ADAMTS18: variants seen among roughly 807,000 people sequenced by gnomAD.
ADAMTS18 encodes the protein ADAM metallopeptidase with thrombospondin type 1 motif 18.
A neutral mutation model predicts 165.9 loss-of-function variants in ADAMTS18; 157 were observed. The observed-to-expected ratio is 0.95, with a 90% confidence interval of 0.83 to 1.08. The LOEUF (loss-of-function observed/expected upper bound fraction) is 1.08, where lower values mean the gene tolerates loss of function less well. ADAMTS18 is among the 50% of genes least tolerant of loss of function. The probability of loss-of-function intolerance (pLI) is 0.00; values close to 1 mark genes in which losing one functional copy is unlikely to be tolerated. For synonymous variants in ADAMTS18, 782 were observed against 578.2 expected, an observed-to-expected ratio of 1.35 and a Z score of -5.06; for missense variants, 2,040 against 1,534.0, an observed-to-expected ratio of 1.33 and a Z score of -5.51.
chr16:77,418,377 C>T (rs1191665224), intron 3 of ADAMTS18, among the ~76,000 whole-genome samples: 1 of 152,170 alleles, frequency 6.6e-6, no homozygotes, highest in African/African-American at 2.4e-5. Context: ...CTAGGGACAA[C>T]TGTGCCCCCA....
intron 3 of ADAMTS18, among the ~76,000 whole-genome samples, chr16:77,412,321 A>G (rs1172388546): frequency 6.6e-6 from 1 of 152,030 alleles, no homozygotes; most frequent in Non-Finnish European, 1.5e-5. Flanking sequence ...ATAATATTAT[A>G]ATAGTATAAT....
rs144894363 is a variant in ADAMTS18, at chr16:77,354,029, G to A, written c.1461-143C>T. 166 of 1,054,306 alleles carry A rather than the reference G, an allele frequency of 1.6e-4. No homozygotes were observed. In the African/African-American group the frequency reaches 2.3e-3, roughly 15 times the overall value. The allele number at this position is 1,054,306 out of a possible 1,614,324, so 65.3% of individuals were successfully genotyped here. A position where few individuals can be genotyped will look rare whatever the true frequency, so the allele number is the denominator to read the frequency against. ...GTATATGTTTAAAGTTCAAATCTATGTTTATGCCAAAGAGTGAGTCCTGTC... is the reference window on the plus strand; with the variant it reads ...GTATATGTTTAAAGTTCAAATCTATATTTATGCCAAAGAGTGAGTCCTGTC... On this transcript the variant is annotated intron_variant, in intron 9 of 22. Transcript: ENST00000282849.
At chr16:77,417,889 C>A (rs541768589) in intron 3 of ADAMTS18, among the ~76,000 whole-genome samples, 1 of 152,196 alleles carries the variant, frequency 6.6e-6, no homozygotes, top group Non-Finnish European at 1.5e-5. Context: ...ATTTTCAGAA[C>A]AGCTCATCGC....
chr16:77,314,052 A>C (rs1432919116), intron 16 of ADAMTS18, among the ~76,000 whole-genome samples: 1 of 152,134 alleles, frequency 6.6e-6, no homozygotes, highest in Non-Finnish European at 1.5e-5. Flanking sequence ...TCTTCCTCTC[A>C]AATAAAAATG....
chr16:77,312,757 C>G (rs1042613561), intron 16 of ADAMTS18, among the ~76,000 whole-genome samples: 2 of 152,066 alleles, frequency 1.3e-5, no homozygotes, highest in Non-Finnish European at 2.9e-5. Flanking sequence ...CCATCTCATA[C>G]CAGTTAGAAT....
intron 3 of ADAMTS18, among the ~76,000 whole-genome samples, chr16:77,411,455 A>C (rs1257054579): frequency 6.6e-6 from 1 of 152,148 alleles, no homozygotes; most frequent in African/African-American, 2.4e-5. Context: ...TGGACTTTAA[A>C]AATATTTAAT....
intron 3 of ADAMTS18, among the ~76,000 whole-genome samples, chr16:77,379,430 G>A (rs1037074184): frequency 5.9e-5 from 9 of 152,180 alleles, no homozygotes; most frequent in African/African-American, 1.9e-4. Flanking sequence ...GAATGTGGCA[G>A]AATAGACTGT....
At chr16:77,306,861 G>A (rs866462836) in intron 16 of ADAMTS18, among the ~76,000 whole-genome samples, 2 of 152,122 alleles carry the variant, frequency 1.3e-5, no homozygotes, top group Non-Finnish European at 2.9e-5. Flanking sequence ...ACAGCAATGG[G>A]ACTCAAGTCT....
intron 12 of ADAMTS18, among the ~76,000 whole-genome samples, chr16:77,333,332 C>A (rs1329394322): frequency 6.6e-6 from 1 of 152,026 alleles, no homozygotes; most frequent in Non-Finnish European, 1.5e-5. Context: ...GGAGGGAGAG[C>A]TTTACAACAA....
intron 3 of ADAMTS18, among the ~76,000 whole-genome samples, chr16:77,425,983 T>G (rs1567558677): frequency 6.6e-6 from 1 of 151,688 alleles, no homozygotes; most frequent in Non-Finnish European, 1.5e-5. Context: ...GAGACAGAGG[T>G]TGCAGTGGGC....
rs1453162063 is a variant in ADAMTS18 at position 77,356,198 on chromosome 16, A to G, written c.1323-121T>C. 2.2e-6 allele frequency: 3 copies of G among 1,362,264 alleles called. No homozygotes were observed. In the African/African-American group the frequency reaches 4.3e-5, roughly 20 times the overall value. 84.4% of individuals were successfully genotyped at this position (1,362,264 alleles called of 1,614,324 possible). On this transcript the variant is annotated intron_variant, in intron 8 of 22. Transcript: ENST00000282849. Reference sequence around the variant, plus strand: ...AACCAAGTGAGAGACAGAGTTATTAAAACTGGAAAAGAGAAAGGCAAATTA... The same window carrying G: ...AACCAAGTGAGAGACAGAGTTATTAGAACTGGAAAAGAGAAAGGCAAATTA...
At chr16:77,364,745 AAAAGAAAAGAAG>A (rs1436788286) in intron 4 of ADAMTS18, among the ~76,000 whole-genome samples, 22 of 81,882 alleles carry the variant, frequency 2.7e-4, no homozygotes, top group African/African-American at 9.6e-4. Flanking sequence ...AGAAAGAAAG[AAAAGAAAAGAAG>A]AAAGAAAAGG....
chr16:77,365,436 T>G (rs553177864), intron 4 of ADAMTS18, among the ~76,000 whole-genome samples: 1 of 152,356 alleles, frequency 6.6e-6, no homozygotes, highest in East Asian at 1.9e-4. Context: ...ACACAGACTT[T>G]AACATAGCAC....
At chr16:77,393,562 G>C (rs113180018) in intron 3 of ADAMTS18, among the ~76,000 whole-genome samples, 12 of 152,130 alleles carry the variant, frequency 7.9e-5, no homozygotes, top group African/African-American at 2.9e-4. Context: ...GGAAAGATGA[G>C]TGCCCTTATA....
intron 16 of ADAMTS18, among the ~76,000 whole-genome samples, chr16:77,303,757 G>A (rs1389796187): frequency 1.3e-5 from 2 of 152,196 alleles, no homozygotes; most frequent in Non-Finnish European, 2.9e-5. Context: ...GCTAGGGCCG[G>A]ACGCGGGGGC....
chr16:77,400,606 T>A (rs2057318351), intron 3 of ADAMTS18, among the ~76,000 whole-genome samples: 1 of 151,286 alleles, frequency 6.6e-6, no homozygotes, highest in African/African-American at 2.4e-5. Flanking sequence ...CTCAGCCTCC[T>A]AAGTAGCTGG....
chr16:77,374,938 T>C (rs567501840), intron 3 of ADAMTS18, among the ~76,000 whole-genome samples: 98 of 152,158 alleles, frequency 6.4e-4, no homozygotes, highest in Non-Finnish European at 1.2e-3. Flanking sequence ...TTTAGTTTGA[T>C]AGAAAACCTT....
chr16:77,321,023 TG>T, intron 15 of ADAMTS18, 55 bp downstream of exon 15: 1 of 1,612,146 alleles, frequency 6.2e-7, no homozygotes, highest in Non-Finnish European at 8.5e-7. Context: ...GACTCAAACT[TG>T]TTTGGTAGCA....
chr16:77,381,380 G>A (rs1460518268), intron 3 of ADAMTS18, among the ~76,000 whole-genome samples: 3 of 152,156 alleles, frequency 2.0e-5, no homozygotes, highest in Non-Finnish European at 4.4e-5. Context: ...TGGCATAATG[G>A]CAGAAGGTCC....
Sources: gnomAD v4.1 joint callset for allele counts (sites outside exome capture counted in the v4.1 genomes callset) on GRCh38, gnomAD v4.1.1 for gene constraint, MANE v1.5 for transcripts, NCBI Gene and HGNC (gene_info 2026-07-23, HGNC 2026-07-21) for gene names.